Variants in GRM8 observed in about 807,000 individuals in gnomAD.
GRM8 encodes the protein glutamate metabotropic receptor 8, also known as metabotropic glutamate receptor 8.
A neutral mutation model predicts 87.2 loss-of-function variants in GRM8; 47 were observed. The observed-to-expected ratio is 0.54, with a 90% CI of 0.43 to 0.69. GRM8 has a LOEUF of 0.69. Ranked by LOEUF, GRM8 falls within the 30% of genes least tolerant of loss-of-function variation. The probability of loss-of-function intolerance (pLI) is 0.00; values close to 1 mark genes in which losing one functional copy is unlikely to be tolerated. For missense variants in GRM8, 1,019 were observed against 1,139.2 expected, an observed-to-expected ratio of 0.89 and a Z score of 1.52; for synonymous variants, 396 against 404.5, an observed-to-expected ratio of 0.98 and a Z score of 0.25.
intron 6 of GRM8, among the ~76,000 whole-genome samples, chr7:126,845,879 G>A (rs1204122369): frequency 1.3e-5 from 2 of 151,956 alleles, no homozygotes; most frequent in African/African-American, 2.4e-5. Flanking sequence ...GAGGGTCAGG[G>A]TGAATCCCTT....
intron 7 of GRM8, among the ~76,000 whole-genome samples, chr7:126,665,621 G>A (rs574329767): frequency 4.6e-5 from 7 of 151,810 alleles, no homozygotes; most frequent in Non-Finnish European, 8.8e-5. Context: ...GAAGGAGGGC[G>A]GAAGACGCAA....
chr7:127,127,444 C>T (rs1238046442), intron 2 of GRM8, among the ~76,000 whole-genome samples: 4 of 152,094 alleles, frequency 2.6e-5, no homozygotes, highest in Non-Finnish European at 4.4e-5. Context: ...AAATAAAATA[C>T]AACTTGGCAA....
intron 9 of GRM8, among the ~76,000 whole-genome samples, chr7:126,464,117 T>G (rs1467215725): frequency 1.3e-5 from 2 of 151,658 alleles, no homozygotes; most frequent in Non-Finnish European, 3.0e-5. Flanking sequence ...TTTATCTTTT[T>G]TCTTATCAAC....
chr7:127,034,797 G>GT (rs1563436183), intron 3 of GRM8, among the ~76,000 whole-genome samples: 1 of 152,002 alleles, frequency 6.6e-6, no homozygotes, highest in South Asian at 2.1e-4. Flanking sequence ...GACAAAATTG[G>GT]TTTTTTGGAA....
chr7:126,591,474 A>G (rs551214469), intron 8 of GRM8, among the ~76,000 whole-genome samples: 1 of 152,212 alleles, frequency 6.6e-6, no homozygotes, highest in Admixed American at 6.5e-5. Context: ...GGTCATCAAG[A>G]CAGAAAGTCA....
chr7:127,055,201 AT>A (rs974374324), intron 3 of GRM8, among the ~76,000 whole-genome samples: 12 of 27,732 alleles, frequency 4.3e-4, no homozygotes, highest in African/African-American at 1.0e-3. Flanking sequence ...AGAAGGGAAC[AT>A]TTTTTTAAAT....
At chr7:127,109,354 CTCTGT>C (rs200542346) in intron 2 of GRM8, among the ~76,000 whole-genome samples, 1 of 152,050 alleles carries the variant, frequency 6.6e-6, no homozygotes, top group East Asian at 1.9e-4. Flanking sequence ...TTTTATAAGC[CTCTGT>C]TAACTCCCAT....
chr7:126,605,482 TC>T (rs956755927), intron 8 of GRM8, among the ~76,000 whole-genome samples: 6 of 152,182 alleles, frequency 3.9e-5, no homozygotes, highest in African/African-American at 1.4e-4. Context: ...TAATATATTT[TC>T]CAGGAAAAAG....
chr7:126,968,119 T>A (rs779526337), intron 3 of GRM8, among the ~76,000 whole-genome samples: 1 of 152,220 alleles, frequency 6.6e-6, no homozygotes, highest in Non-Finnish European at 1.5e-5. Flanking sequence ...CACTTTGATA[T>A]CCATTAGATG....
At chr7:126,632,396 G>A (rs1375480472) in intron 7 of GRM8, among the ~76,000 whole-genome samples, 1 of 152,140 alleles carries the variant, frequency 6.6e-6, no homozygotes, top group Non-Finnish European at 1.5e-5. Flanking sequence ...ATGCTTGTGA[G>A]GTTGTGGAGG....
At position 126,606,541 on chromosome 7, in the gene GRM8, C is replaced by T. The variant is rs560312864; in HGVS notation, c.1494+2821G>A. On this transcript the variant is annotated intron_variant, in intron 8 of 10. Coordinates refer to ENST00000339582, the MANE Select transcript of GRM8 (RefSeq NM_000845.3). ...AGTTGGTAGCTTGCCAAGCACTCTA[C>T]TACTCCACCTTCAAGCAGGTGACTA... 2.0e-5 allele frequency among the ~76,000 whole-genome samples: 3 copies of T among 152,278 alleles called. No individual in the cohort carries two copies. The East Asian group carries it at 5.8e-4, about 29-fold the overall frequency.
chr7:126,963,069 AC>A (rs916580527), intron 3 of GRM8, among the ~76,000 whole-genome samples: 1 of 152,082 alleles, frequency 6.6e-6, no homozygotes, highest in African/African-American at 2.4e-5. Flanking sequence ...CAAATAACTC[AC>A]TGAGTTTTGT....
chr7:126,580,986 T>C (rs977649228), intron 8 of GRM8, among the ~76,000 whole-genome samples: 2 of 151,876 alleles, frequency 1.3e-5, no homozygotes, highest in Admixed American at 1.3e-4. Context: ...ACAATTATCC[T>C]AACATTCCCT....
intron 3 of GRM8, among the ~76,000 whole-genome samples, chr7:126,985,872 C>T (rs879482827): frequency 4.6e-5 from 7 of 152,198 alleles, no homozygotes; most frequent in Non-Finnish European, 8.8e-5. Flanking sequence ...TAAGTTTCAA[C>T]ATAAGTTTTG....
At chr7:126,864,034 C>CTTTTT (rs35544185) in intron 6 of GRM8, among the ~76,000 whole-genome samples, 18 of 117,882 alleles carry the variant, frequency 1.5e-4, no homozygotes, top group African/African-American at 2.3e-4. Context: ...CTATGTGTGG[C>CTTTTT]TTTTTTTTTT....
At chr7:127,219,733 T>A (rs937791474) in intron 2 of GRM8, 2 of 152,238 alleles carry the variant, frequency 1.3e-5, no homozygotes, top group African/African-American at 4.8e-5. Context: ...ACAGATATTT[T>A]GAGAGTCCAT....
intron 7 of GRM8, among the ~76,000 whole-genome samples, chr7:126,711,596 AG>A (rs1013448298): frequency 1.3e-5 from 2 of 152,324 alleles, no homozygotes; most frequent in African/African-American, 4.8e-5. Context: ...TGAAGCTTTG[AG>A]GCCAGGCATT....
At chr7:126,530,674 C>T (rs1814664571) in intron 9 of GRM8, among the ~76,000 whole-genome samples, 1 of 152,232 alleles carries the variant, frequency 6.6e-6, no homozygotes, top group African/African-American at 2.4e-5. Flanking sequence ...AAATGGAGGA[C>T]TGACCAGCTC....
chr7:126,777,256 A>G (rs1819582307), intron 6 of GRM8, among the ~76,000 whole-genome samples: 1 of 152,184 alleles, frequency 6.6e-6, no homozygotes, highest in African/African-American at 2.4e-5. Context: ...GGGAGGATAC[A>G]AATAATTAAA....
Sources: allele counts gnomAD v4.1 joint callset (sites outside exome capture counted in the v4.1 genomes callset), GRCh38; gene constraint gnomAD v4.1.1; transcripts MANE v1.5; gene names NCBI Gene and HGNC (gene_info 2026-07-23, HGNC 2026-07-21).